MAMDC2: variants seen among roughly 807,000 people sequenced by gnomAD.
The protein encoded by MAMDC2 is MAM domain-containing protein 2.
A neutral mutation model predicts 89.8 loss-of-function variants in MAMDC2; 57 were observed. The observed-to-expected ratio is 0.63, with a 90% CI of 0.51 to 0.79. The LOEUF is 0.79. MAMDC2 is among the 30% of genes least tolerant of loss of function. The pLI, the probability that MAMDC2 is intolerant of heterozygous loss-of-function variation, is 0.00. For synonymous variants in MAMDC2, 313 were observed against 293.4 expected, an observed-to-expected ratio of 1.07 and a Z score of -0.68; for missense variants, 800 against 820.6, an observed-to-expected ratio of 0.97 and a Z score of 0.31.
chr9:70,108,422 A>G lies in MAMDC2; in HGVS notation c.360A>G (p.Glu120=), dbSNP rs777534969. 1.2e-6 allele frequency: 2 copies of G among 1,613,510 alleles called. No individual in the cohort carries two copies. The highest frequency in any genetic ancestry group is 2.2e-5 in the South Asian group (2 of 90,858). ...SFDRLLWSAK[E]PSDSWLIASL... ...ATCGCTTGCTTTGGTCAGCTAAGGAACCTTCAGACAGCTGGCTCATAGCCA... is the reference window on the plus strand; with the variant it reads ...ATCGCTTGCTTTGGTCAGCTAAGGAGCCTTCAGACAGCTGGCTCATAGCCA... The change falls in exon 3 of 14, where the codon GAA becomes GAG. Residue 120 remains glutamate (E), a synonymous_variant. Transcript: ENST00000377182.
intron 11 of MAMDC2, chr9:70,217,282 G>A (rs927672809): frequency 8.0e-6 from 10 of 1,254,238 alleles, no homozygotes; most frequent in East Asian, 6.9e-5. Context: ...GAAGGTTTTC[G>A]AGTTTCTTAA....
At chr9:70,144,319 C>G (rs1361611397) in intron 9 of MAMDC2, among the ~76,000 whole-genome samples, 2 of 152,124 alleles carry the variant, frequency 1.3e-5, no homozygotes, top group East Asian at 3.9e-4. Flanking sequence ...AAATATAGAA[C>G]CAACACCACC....
chr9:70,049,225 G>A (rs1826831884), intron 2 of MAMDC2, among the ~76,000 whole-genome samples: 1 of 152,090 alleles, frequency 6.6e-6, no homozygotes, highest in Non-Finnish European at 1.5e-5. Context: ...TGGGGTGGGG[G>A]CATGGTAGAA....
At chr9:70,155,287 C>T (rs1477569197) in intron 9 of MAMDC2, among the ~76,000 whole-genome samples, 1 of 152,154 alleles carries the variant, frequency 6.6e-6, no homozygotes, top group East Asian at 1.9e-4. Context: ...ACCCTCCCTG[C>T]CTCATTCTTA....
intron 5 of MAMDC2, among the ~76,000 whole-genome samples, chr9:70,124,224 TA>T (rs1452791490): frequency 6.6e-6 from 1 of 152,146 alleles, no homozygotes; most frequent in Non-Finnish European, 1.5e-5. Context: ...CAGATGTTTT[TA>T]TTTTTCCAGA....
At chr9:70,140,419 T>A in intron 8 of MAMDC2, 131 bp downstream of exon 8, 1 of 932,942 alleles carries the variant, frequency 1.1e-6, no homozygotes, top group Non-Finnish European at 1.6e-6. Flanking sequence ...AGACAATCAG[T>A]AGTCTTGTGT....
intron 2 of MAMDC2, chr9:70,087,095 T>G (rs776383495): frequency 6.6e-6 from 1 of 152,110 alleles, no homozygotes; most frequent in Non-Finnish European, 1.5e-5. Flanking sequence ...GTCCAGATAT[T>G]TGTCTCCTGA....
In MAMDC2 at chr9:70,218,606, C is replaced by T. The variant is rs145944854; in HGVS notation, c.1911+10C>T. The T allele has an allele frequency of 9.4e-6, 15 of 1,596,418 alleles. No individual in the cohort carries two copies. In the African/African-American group the frequency reaches 2.0e-4, roughly 21 times the overall value. ...TGAGAGGCAACACCAGGTAAGCCAA[C>T]AGAGATAAGAACTAAGCAATGGAAA... On this transcript the variant is annotated intron_variant, in intron 12 of 13. Transcript: ENST00000377182.
chr9:70,194,986 C>G (rs577757382), intron 11 of MAMDC2, among the ~76,000 whole-genome samples: 10 of 151,894 alleles, frequency 6.6e-5, no homozygotes, highest in Non-Finnish European at 1.3e-4. Flanking sequence ...TATTCACATA[C>G]AAGAAAAATA....
At chr9:70,225,712 T>G in intron 12 of MAMDC2, 38 bp from the exon 13 acceptor site, 1 of 1,329,596 alleles carries the variant, frequency 7.5e-7, no homozygotes. Flanking sequence ...GTAATCAGGA[T>G]GATTCTATTT....
chr9:70,200,501 G>T (rs1163851740), intron 11 of MAMDC2, among the ~76,000 whole-genome samples: 2 of 151,812 alleles, frequency 1.3e-5, no homozygotes, highest in Non-Finnish European at 2.9e-5. Flanking sequence ...CTCCAGCTTT[G>T]TTCTTTTGGC....
Position 70,143,555 on chromosome 9 carries a change from G to T in MAMDC2, c.1140G>T (p.Gly380=). ...YRAGDHTTGL[G]YYLLANTKFT... is the part of the protein sequence containing the mutation. ...TGATATGCTTTATCTTCTTTGCAGG[G>T]TATTACCTGCTAGCCAACACAAAGT... The change falls in exon 9 of 14, where the codon GGG becomes GGT. Residue 380 remains glycine, a splice_region_variant and synonymous_variant. Transcript: ENST00000377182. 1 of 1,613,934 alleles carries T rather than the reference G, an allele frequency of 6.2e-7. No homozygotes were observed. The highest frequency in any genetic ancestry group is 8.5e-7 in the Non-Finnish European group (1 of 1,179,952).
chr9:70,083,380 C>T (rs1827697886), intron 2 of MAMDC2: 1 of 151,864 alleles, frequency 6.6e-6, no homozygotes, highest in East Asian at 1.9e-4. Context: ...GTTCATATAT[C>T]GTTGCTTTTA....
At chr9:70,102,049 C>T (rs1361895570) in intron 2 of MAMDC2, among the ~76,000 whole-genome samples, 1 of 152,144 alleles carries the variant, frequency 6.6e-6, no homozygotes, top group African/African-American at 2.4e-5. Context: ...ATGAAATAGA[C>T]TCCATTTAGT....
chr9:70,044,374 C>T (rs1826682850), intron 1 of MAMDC2, 143 bp downstream of exon 1: 3 of 939,688 alleles, frequency 3.2e-6, no homozygotes, highest in Non-Finnish European at 1.5e-6. Flanking sequence ...AACTCCCTCC[C>T]CTGGCCAAGC....
intron 2 of MAMDC2, among the ~76,000 whole-genome samples, chr9:70,057,127 G>A (rs962250660): frequency 6.6e-6 from 1 of 152,110 alleles, no homozygotes; most frequent in Non-Finnish European, 1.5e-5. Flanking sequence ...CCCCTGGTTT[G>A]TGGGAAAATT....
At chr9:70,061,896 A>C (rs1827158443) in intron 2 of MAMDC2, among the ~76,000 whole-genome samples, 1 of 152,194 alleles carries the variant, frequency 6.6e-6, no homozygotes, top group Non-Finnish European at 1.5e-5. Flanking sequence ...CTCATGGATG[A>C]ATCAGGTGGA....
At chr9:70,160,441 G>C (rs2031932434) in intron 9 of MAMDC2, among the ~76,000 whole-genome samples, 1 of 151,906 alleles carries the variant, frequency 6.6e-6, no homozygotes, top group East Asian at 1.9e-4. Context: ...TTTTTTCAGA[G>C]GTTTTTCTCA....
chr9:70,197,141 T>A (rs2032988153), intron 11 of MAMDC2, among the ~76,000 whole-genome samples: 1 of 152,140 alleles, frequency 6.6e-6, no homozygotes, highest in African/African-American at 2.4e-5. Context: ...CTGCCTTGTA[T>A]TTGATCACAT....
Sources: allele counts gnomAD v4.1 joint callset (sites outside exome capture counted in the v4.1 genomes callset), GRCh38; gene constraint gnomAD v4.1.1; transcripts MANE v1.5; gene names NCBI Gene and HGNC (gene_info 2026-07-23, HGNC 2026-07-21).